The following BMPR1B variants were observed in gnomAD, a reference collection of about 807,000 sequenced individuals.
BMPR1B encodes bone morphogenetic protein receptor type 1B, also known as bone morphogenetic protein receptor type-1B.
Under a neutral mutation model 59.1 loss-of-function variants are expected in BMPR1B, and 12 were observed. The ratio of observed to expected loss-of-function variants is 0.20; its 90% CI spans 0.13 to 0.33. The LOEUF is 0.33. Among genes scored for constraint, BMPR1B ranks in the 10% least tolerant of loss-of-function variants. The pLI is 1.00. For missense variants in BMPR1B, 550 were observed against 610.9 expected, an observed-to-expected ratio of 0.90 and a Z score of 1.05; for synonymous variants, 237 against 207.3, an observed-to-expected ratio of 1.14 and a Z score of -1.23.
At chr4:94,841,731 C>A (rs928699582) in intron 1 of BMPR1B, among the ~76,000 whole-genome samples, 1 of 152,172 alleles carries the variant, frequency 6.6e-6, no homozygotes, top group Non-Finnish European at 1.5e-5. Context: ...GCGTTGCTCA[C>A]GCTGGGAGCT....
At chr4:94,875,528 C>CA (rs1360531123) in intron 1 of BMPR1B, among the ~76,000 whole-genome samples, 36 of 152,212 alleles carry the variant, frequency 2.4e-4, no homozygotes, top group African/African-American at 7.5e-4. Flanking sequence ...ACTAAAAATA[C>CA]AAAAAATTAG....
At chr4:95,098,078 CTAATA>C (rs1194609616) in intron 3 of BMPR1B, among the ~76,000 whole-genome samples, 1 of 151,846 alleles carries the variant, frequency 6.6e-6, no homozygotes, top group Non-Finnish European at 1.5e-5. Flanking sequence ...TATTAGGATA[CTAATA>C]TAATAAAATG....
intron 2 of BMPR1B, among the ~76,000 whole-genome samples, chr4:94,965,303 A>T (rs1730512900): frequency 6.6e-6 from 1 of 152,108 alleles, no homozygotes; most frequent in Non-Finnish European, 1.5e-5. Flanking sequence ...TTACCTACAG[A>T]GTTCTCATCT....
chr4:94,889,536 A>G lies in BMPR1B; in HGVS notation c.-113+13636A>G, dbSNP rs145631298. Among the ~76,000 whole-genome samples, 4 of 152,230 alleles carry G rather than the reference A, an allele frequency of 2.6e-5. No individual in the cohort carries two copies. In the East Asian group the frequency reaches 7.7e-4, roughly 29 times the overall value. On this transcript the variant is annotated intron_variant, in intron 2 of 12. Transcript: ENST00000515059. ...CTTTCTCAAAAGGTGTTTATCAAAA[A>G]CAAATAAAAGGTGTTGTGCTTTGTT...
At chr4:95,009,582 G>A (rs1723082136) in intron 3 of BMPR1B, among the ~76,000 whole-genome samples, 1 of 152,108 alleles carries the variant, frequency 6.6e-6, no homozygotes, top group South Asian at 2.1e-4. Flanking sequence ...TCCTCTCTTA[G>A]CAAGTTGAAG....
At chr4:95,040,901 C>T (rs1725607385) in intron 3 of BMPR1B, among the ~76,000 whole-genome samples, 1 of 152,136 alleles carries the variant, frequency 6.6e-6, no homozygotes, top group African/African-American at 2.4e-5. Flanking sequence ...CTTTATTCAT[C>T]CACTCGTGTG....
chr4:95,092,437 T>C (rs1397566641), intron 3 of BMPR1B, among the ~76,000 whole-genome samples: 2 of 152,124 alleles, frequency 1.3e-5, no homozygotes, highest in Non-Finnish European at 2.9e-5. Flanking sequence ...CTTTCTAATG[T>C]TTACATTGCA....
At chr4:94,947,788 A>G (rs537443175) in intron 2 of BMPR1B, among the ~76,000 whole-genome samples, 4 of 152,202 alleles carry the variant, frequency 2.6e-5, no homozygotes, top group African/African-American at 9.6e-5. Context: ...ATTTTACTCC[A>G]TTCCTGAAAG....
intron 2 of BMPR1B, among the ~76,000 whole-genome samples, chr4:94,884,171 T>C (rs1727083004): frequency 6.6e-6 from 1 of 152,146 alleles, no homozygotes; most frequent in Non-Finnish European, 1.5e-5. Flanking sequence ...CTTTAGTAGA[T>C]TTTCAGTGCC....
Position 94,983,306 on chromosome 4 carries a change from A to C in BMPR1B, c.-112-12734A>C, listed in dbSNP as rs1036338651. Among the ~76,000 whole-genome samples the C allele has an allele frequency of 9.2e-5, 14 of 152,134 alleles. No individual in the cohort carries two copies. The East Asian group carries it at 1.7e-3, about 19-fold the overall frequency. On this transcript the variant is annotated intron_variant, in intron 2 of 12. Transcript: ENST00000515059. ...AGTGTTTGTTTTCCCACTAGTATGT[A>C]AAGTCCATGAGAGAAGATACCTGAC...
At position 94,987,134 on chromosome 4, in the gene BMPR1B, GTAA is replaced by G. The variant is rs1194178240; in HGVS notation, c.-112-8903_-112-8901del. Among the ~76,000 whole-genome samples the G allele has an allele frequency of 7.7e-5, 11 of 141,988 alleles. No homozygotes were observed. The East Asian group carries it at 1.8e-3, about 23-fold the overall frequency. The allele number at this position is 141,988 out of a possible 152,430, so 93.1% of individuals were successfully genotyped here. ...ATATATAATATGTATATATGTATAT[GTAA>G]TATATATAATGTATATATACATATA... On this transcript the variant is annotated intron_variant, in intron 2 of 12. Coordinates refer to ENST00000515059, the MANE Select transcript of BMPR1B (RefSeq NM_001203.3).
At chr4:94,981,046 A>G (rs930275962) in intron 2 of BMPR1B, among the ~76,000 whole-genome samples, 1 of 150,248 alleles carries the variant, frequency 6.7e-6, no homozygotes, top group African/African-American at 2.5e-5. Context: ...TGTCATTTTA[A>G]CTCATATACA....
At chr4:95,059,925 C>T (rs1024709156) in intron 3 of BMPR1B, among the ~76,000 whole-genome samples, 2 of 152,054 alleles carry the variant, frequency 1.3e-5, no homozygotes, top group Non-Finnish European at 2.9e-5. Flanking sequence ...GCTTTTCTGC[C>T]TCTTTTTGGC....
At chr4:95,058,188 G>A (rs1031393339) in intron 3 of BMPR1B, among the ~76,000 whole-genome samples, 1 of 152,154 alleles carries the variant, frequency 6.6e-6, no homozygotes, top group African/African-American at 2.4e-5. Context: ...TTTCTGAACA[G>A]GACATGAGTT....
chr4:94,768,879 A>G (rs1039487667), intron 1 of BMPR1B, among the ~76,000 whole-genome samples: 5 of 152,314 alleles, frequency 3.3e-5, no homozygotes, highest in African/African-American at 1.2e-4. Context: ...TGGCACAGAC[A>G]TGTATTATAT....
At chr4:94,896,506 T>C (rs986459082) in intron 2 of BMPR1B, among the ~76,000 whole-genome samples, 1 of 152,164 alleles carries the variant, frequency 6.6e-6, no homozygotes, top group South Asian at 2.1e-4. Context: ...TTTGATTATA[T>C]GTTAATGCTG....
intron 10 of BMPR1B, among the ~76,000 whole-genome samples, chr4:95,134,625 T>C (rs1733631268): frequency 6.6e-6 from 1 of 152,238 alleles, no homozygotes; most frequent in African/African-American, 2.4e-5. Context: ...CCAGTGATGA[T>C]GAGCATTTTT....
At chr4:94,943,103 T>C (rs1729578865) in intron 2 of BMPR1B, among the ~76,000 whole-genome samples, 1 of 152,090 alleles carries the variant, frequency 6.6e-6, no homozygotes, top group Non-Finnish European at 1.5e-5. Flanking sequence ...TGAAAAGAGA[T>C]GGCTCTGGAA....
intron 2 of BMPR1B, among the ~76,000 whole-genome samples, chr4:94,966,401 C>T (rs1730557753): frequency 6.6e-6 from 1 of 151,990 alleles, no homozygotes; most frequent in South Asian, 2.1e-4. Context: ...AAAATAGCAT[C>T]AGGAATAATT....
Sources: allele counts gnomAD v4.1 joint callset (sites outside exome capture counted in the v4.1 genomes callset), GRCh38; gene constraint gnomAD v4.1.1; transcripts MANE v1.5; gene names NCBI Gene and HGNC (gene_info 2026-07-23, HGNC 2026-07-21).